The following ST3GAL6 variants were observed in gnomAD, a reference collection of about 807,000 sequenced individuals.
ST3GAL6 encodes the protein ST3 beta-galactoside alpha-2,3-sialyltransferase 6, also known as type 2 lactosamine alpha-2,3-sialyltransferase.
ST3GAL6 carries 31 observed loss-of-function variants against 40.5 expected under a neutral mutation model. The observed-to-expected ratio is 0.77, with a 90% CI of 0.58 to 1.03. ST3GAL6 has a LOEUF of 1.03. Ranked by LOEUF, ST3GAL6 falls within the 50% of genes least tolerant of loss-of-function variation. ST3GAL6 has a pLI of 0.00. For synonymous variants in ST3GAL6, 129 were observed against 136.9 expected (o/e 0.94, Z 0.40); for missense variants, 357 against 393.2 (o/e 0.91, Z 0.78).
intron 5 of ST3GAL6, among the ~76,000 whole-genome samples, chr3:98,776,423 A>T (rs1413967315): frequency 6.6e-6 from 1 of 152,222 alleles, no homozygotes; most frequent in African/African-American, 2.4e-5. Flanking sequence ...TTTCTCAGGC[A>T]GAGAATTTAG....
At chr3:98,748,504 C>A (rs939145957) in intron 1 of ST3GAL6, among the ~76,000 whole-genome samples, 1 of 152,140 alleles carries the variant, frequency 6.6e-6, no homozygotes, top group Non-Finnish European at 1.5e-5. Flanking sequence ...CTTGCTCTTT[C>A]TCCCACGCTG....
Position 98,769,581 on chromosome 3 carries a change from TGATAAA to T in ST3GAL6, c.89+1055_89+1060del, listed in dbSNP as rs571751712. Among the ~76,000 whole-genome samples, 619 of 152,198 alleles carry T rather than the reference TGATAAA, an allele frequency of 4.1e-3. 3 individuals carry two copies. The highest frequency in any genetic ancestry group is 0.014 in the African/African-American group (593 of 41,526). On this transcript the variant is annotated intron_variant, in intron 2 of 9. Coordinates refer to ENST00000483910, the MANE Select transcript of ST3GAL6 (RefSeq NM_001323368.2). Reference sequence around the variant, plus strand: ...ATCCTATTGTTGGTCACAGGGAAAATGATAAAGAAGGTGATGAAAAGGATCTAAATC... The same window carrying T: ...ATCCTATTGTTGGTCACAGGGAAAATGAAGGTGATGAAAAGGATCTAAATC...
chr3:98,732,809 C>T (rs575906478), intron 1 of ST3GAL6: 1 of 1,472,922 alleles, frequency 6.8e-7, no homozygotes, highest in Admixed American at 2.2e-5. Context: ...CCGCGCCGCC[C>T]CTGGCCCGCG....
chr3:98,744,524 C>T (rs1481553481), intron 1 of ST3GAL6, among the ~76,000 whole-genome samples: 1 of 152,158 alleles, frequency 6.6e-6, no homozygotes, highest in African/African-American at 2.4e-5. Context: ...GTTTCATTAT[C>T]ATTATATTGG....
intron 1 of ST3GAL6, among the ~76,000 whole-genome samples, chr3:98,750,001 A>G (rs938836591): frequency 6.6e-6 from 1 of 152,230 alleles, no homozygotes; most frequent in African/African-American, 2.4e-5. Context: ...AAAGCCCTAC[A>G]ATGAAAAAGA....
In ST3GAL6 at chr3:98,772,828, C is replaced by T. The variant is rs904693157; in HGVS notation, c.183C>T (p.His61=). 6.2e-7 allele frequency: 1 copy of T among 1,613,034 alleles called. No individual in the cohort carries two copies. Among genetic ancestry groups the T allele is most frequent in the Admixed American group, 1.7e-5 (1 of 60,004 alleles). The change falls in exon 4 of 10, where the codon CAC becomes CAT. Residue 61 remains histidine, a synonymous_variant. Coordinates refer to ENST00000483910, the MANE Select transcript of ST3GAL6 (RefSeq NM_001323368.2). ...FASLLRFHQF[H]PFLCAADFRK... ...TTCCTTCCAGGTTTCATCAGTTTCACCCTTTTCTGTGTGCGGCTGATTTTA... is the reference window on the plus strand; with the variant it reads ...TTCCTTCCAGGTTTCATCAGTTTCATCCTTTTCTGTGTGCGGCTGATTTTA...
chr3:98,781,058 G>A (rs1309517652), intron 5 of ST3GAL6, among the ~76,000 whole-genome samples: 1 of 152,110 alleles, frequency 6.6e-6, no homozygotes, highest in Non-Finnish European at 1.5e-5. Flanking sequence ...GTTCACAATA[G>A]CAAAGACTTG....
In ST3GAL6 at chr3:98,794,292, G is replaced by T. The variant is rs2107389634; in HGVS notation, c.*531G>T. The T allele has an allele frequency of 6.6e-6, 1 of 152,246 alleles. No homozygotes were observed. The allele number at this position is 152,246 out of a possible 1,614,324, so 9.4% of individuals were successfully genotyped here. On this transcript the variant is annotated 3_prime_UTR_variant, in exon 10 of 10. Coordinates refer to ENST00000483910, the MANE Select transcript of ST3GAL6 (RefSeq NM_001323368.2). ...AACCATGATTGTGAAGAGTAATTTG[G>T]TACAATGAAGGCAGTGTTTGTTTTT...
At chr3:98,773,694 T>C (rs1939234448) in intron 4 of ST3GAL6, among the ~76,000 whole-genome samples, 1 of 152,082 alleles carries the variant, frequency 6.6e-6, no homozygotes, top group Non-Finnish European at 1.5e-5. Context: ...AAATGTGTTG[T>C]TTTTTGGGGA....
chr3:98,789,460 A>G (rs1007623245), intron 8 of ST3GAL6, among the ~76,000 whole-genome samples: 23 of 152,172 alleles, frequency 1.5e-4, no homozygotes, highest in Admixed American at 4.6e-4. Flanking sequence ...TTTGTTCAGT[A>G]TAATTATGAT....
chr3:98,788,834 T>A (rs1322141405), intron 8 of ST3GAL6, among the ~76,000 whole-genome samples: 1 of 152,172 alleles, frequency 6.6e-6, no homozygotes, highest in African/African-American at 2.4e-5. Context: ...TCAGGCCAAG[T>A]GCATGGCTTT....
upstream of ST3GAL6, chr3:98,762,781 A>G (rs1937928208): frequency 1.0e-6 from 1 of 985,380 alleles, no homozygotes; most frequent in Non-Finnish European, 1.2e-6. Context: ...CTTTGAAATC[A>G]GATCTCAGTT....
intron 1 of ST3GAL6, chr3:98,732,538 G>A (rs1935109190): frequency 3.7e-6 from 1 of 270,398 alleles, no homozygotes. Context: ...GAAAGGTAGG[G>A]GTTCGGCTGT....
At position 98,793,755 on chromosome 3, in the gene ST3GAL6, A is replaced by T. The variant is rs114796697; in HGVS notation, c.990A>T (p.Gln330His). The T allele has an allele frequency of 2.5e-6, 4 of 1,593,304 alleles. No individual in the cohort carries two copies. In the Admixed American group the frequency reaches 7.0e-5, roughly 28 times the overall value. The change falls in exon 10 of 10, where the codon CAA (glutamine) becomes CAT (histidine). Residue 330 changes from glutamine to histidine, a missense_variant. Physicochemically the swap from Gln to His is conservative, Grantham distance 24. Transcript: ENST00000483910. ...AAAACCTCGTAATCAACTTGACTCA[A>T]GATTGACTCTACAGACTCAGAAGAT... is the stretch of plus-strand genomic sequence containing the variant. The part of the protein sequence containing the change: ...IEKNLVINLT[Q>H]D
At chr3:98,735,099 G>A (rs1191975864) in intron 1 of ST3GAL6, among the ~76,000 whole-genome samples, 5 of 152,092 alleles carry the variant, frequency 3.3e-5, no homozygotes, top group Non-Finnish European at 7.4e-5. Flanking sequence ...TCTGATTTTT[G>A]GTGTGTTCTC....
chr3:98,752,883 G>A (rs1383172612), intron 1 of ST3GAL6, among the ~76,000 whole-genome samples: 1 of 152,142 alleles, frequency 6.6e-6, no homozygotes, highest in Non-Finnish European at 1.5e-5. Context: ...ATGGACCACC[G>A]ACCAGTTTTT....
chr3:98,763,518 G>T, intron 1 of ST3GAL6, 79 bp downstream of exon 1: 1 of 1,240,874 alleles, frequency 8.1e-7, no homozygotes, highest in Non-Finnish European at 1.1e-6. Flanking sequence ...TTAGACATTA[G>T]GTGCCCACAG....
At chr3:98,756,662 G>A (rs1166042288) in intron 1 of ST3GAL6, 5 of 832,548 alleles carry the variant, frequency 6.0e-6, no homozygotes, top group Non-Finnish European at 6.2e-6. Context: ...TATGAATACA[G>A]GTGCCTGCTA....
intron 1 of ST3GAL6, among the ~76,000 whole-genome samples, chr3:98,767,089 G>T (rs1172809951): frequency 6.6e-6 from 1 of 152,108 alleles, no homozygotes; most frequent in African/African-American, 2.4e-5. Flanking sequence ...AACTAATTTA[G>T]AATAGTGGCA....
Sources: allele counts gnomAD v4.1 joint callset (sites outside exome capture counted in the v4.1 genomes callset), GRCh38; gene constraint gnomAD v4.1.1; transcripts MANE v1.5; gene names NCBI Gene and HGNC (gene_info 2026-07-23, HGNC 2026-07-21).